RUNX1: variants seen among roughly 807,000 people sequenced by gnomAD.
RUNX1 encodes RUNX family transcription factor 1.
Under a neutral mutation model 42.8 loss-of-function variants are expected in RUNX1, and 19 were observed. The ratio of observed to expected loss-of-function variants is 0.44; its 90% CI spans 0.31 to 0.65. RUNX1 has a LOEUF of 0.65. Ranked by LOEUF, RUNX1 falls within the 30% of genes least tolerant of loss-of-function variation. The pLI is 0.07. For missense variants in RUNX1, 528 were observed against 672.0 expected (o/e 0.79, Z 2.37); for synonymous variants, 271 against 289.4 (o/e 0.94, Z 0.64).
intron 2 of RUNX1, among the ~76,000 whole-genome samples, chr21:34,894,906 CACACACACACACACACACACACAT>C (rs1363341519): frequency 1.2e-4 from 17 of 144,504 alleles, no homozygotes; most frequent in Admixed American, 2.7e-4. Context: ...CACACACACA[CACACACACACACACACACACACAT>C]ATTCATATCT....
intron 2 of RUNX1, among the ~76,000 whole-genome samples, chr21:34,948,946 G>C (rs1169773638): frequency 1.3e-5 from 2 of 152,078 alleles, no homozygotes; most frequent in African/African-American, 4.8e-5. Context: ...AGTAGAGACA[G>C]GGTTTCACCA....
intron 2 of RUNX1, among the ~76,000 whole-genome samples, chr21:34,986,705 G>A (rs556032179): frequency 6.6e-6 from 1 of 151,958 alleles, no homozygotes; most frequent in Admixed American, 6.6e-5. Context: ...GGATGTCAAG[G>A]GTTGCTGGGA....
intron 7 of RUNX1, among the ~76,000 whole-genome samples, chr21:34,802,280 A>C (rs1415264521): frequency 6.6e-6 from 1 of 152,212 alleles, no homozygotes; most frequent in Non-Finnish European, 1.5e-5. Context: ...AAGTCAATCC[A>C]TCTAAAAGAA....
chr21:34,845,596 T>A (rs959269968), intron 6 of RUNX1, among the ~76,000 whole-genome samples: 1 of 152,192 alleles, frequency 6.6e-6, no homozygotes, highest in Admixed American at 6.5e-5. Flanking sequence ...GTGTGAACAC[T>A]CTGGTGTGTG....
In RUNX1 at chr21:34,848,624, G is replaced by A. The variant is rs375671486; in HGVS notation, c.613+10850C>T. ...TAATTTTTGTATTTTTAGTAGAGAC[G>A]GGGTTTCACCATGTTGGCCAGGCTG... On this transcript the variant is annotated intron_variant, in intron 6 of 8. Transcript: ENST00000675419. Among the ~76,000 whole-genome samples, 19 of 152,176 alleles carry A rather than the reference G, an allele frequency of 1.2e-4. No homozygotes were observed. The East Asian group carries it at 1.7e-3, about 14-fold the overall frequency.
intron 2 of RUNX1, among the ~76,000 whole-genome samples, chr21:35,023,831 G>A (rs1448001170): frequency 1.3e-5 from 2 of 151,866 alleles, no homozygotes; most frequent in African/African-American, 4.8e-5. Context: ...AGCATCTGTG[G>A]GTACCAGTTT....
chr21:34,987,118 T>C (rs2058893532), intron 2 of RUNX1, among the ~76,000 whole-genome samples: 1 of 152,238 alleles, frequency 6.6e-6, no homozygotes, highest in South Asian at 2.1e-4. Context: ...TGAACTTCAA[T>C]CAATGGCTGA....
chr21:34,896,525 A>G (rs1420512539), intron 2 of RUNX1, among the ~76,000 whole-genome samples: 1 of 152,196 alleles, frequency 6.6e-6, no homozygotes, highest in Non-Finnish European at 1.5e-5. Context: ...TCTACTAAAA[A>G]TACAAAAATT....
intron 3 of RUNX1, chr21:34,889,741 C>A: frequency 8.5e-7 from 1 of 1,176,666 alleles, no homozygotes; most frequent in South Asian, 1.9e-5. Flanking sequence ...CGGGCATTTT[C>A]GCGGAGCTCG....
chr21:34,870,768 G>C (rs986293072), intron 5 of RUNX1, among the ~76,000 whole-genome samples: 2 of 152,062 alleles, frequency 1.3e-5, no homozygotes, highest in South Asian at 4.2e-4. Flanking sequence ...GACCATCCTG[G>C]CCAGCGTGAT....
At chr21:35,010,808 A>G (rs1378853195) in intron 2 of RUNX1, among the ~76,000 whole-genome samples, 2 of 152,194 alleles carry the variant, frequency 1.3e-5, no homozygotes, top group Non-Finnish European at 2.9e-5. Flanking sequence ...TAAAATCTAA[A>G]AACTGTTTTT....
At chr21:34,983,728 G>A (rs1488540200) in intron 2 of RUNX1, among the ~76,000 whole-genome samples, 2 of 152,144 alleles carry the variant, frequency 1.3e-5, no homozygotes, top group African/African-American at 4.8e-5. Context: ...GTTGTGGGGG[G>A]AAAATGGTTT....
At chr21:34,886,520 C>T (rs2057989974) in intron 4 of RUNX1, among the ~76,000 whole-genome samples, 2 of 152,258 alleles carry the variant, frequency 1.3e-5, no homozygotes, top group Admixed American at 1.3e-4. Context: ...CTCTGCCGGG[C>T]TGGGTTATAA....
intron 2 of RUNX1, among the ~76,000 whole-genome samples, chr21:35,043,378 C>T (rs934761446): frequency 2.1e-4 from 32 of 152,104 alleles, no homozygotes; most frequent in African/African-American, 7.5e-4. Flanking sequence ...GGGAAAAGTG[C>T]TTTGAACATT....
intron 5 of RUNX1, among the ~76,000 whole-genome samples, chr21:34,868,046 G>A (rs906924026): frequency 6.6e-6 from 1 of 152,200 alleles, no homozygotes; most frequent in Non-Finnish European, 1.5e-5. Context: ...CATTCTTCAG[G>A]GAAGGAAGGC....
intron 2 of RUNX1, among the ~76,000 whole-genome samples, chr21:35,010,623 ACG>A (rs201407332): frequency 6.8e-6 from 1 of 147,444 alleles, no homozygotes; most frequent in Non-Finnish European, 1.5e-5. Context: ...GTACACACAC[ACG>A]CACACACACA....
At chr21:34,848,383 A>G (rs1344722381) in intron 6 of RUNX1, among the ~76,000 whole-genome samples, 4 of 152,252 alleles carry the variant, frequency 2.6e-5, no homozygotes, top group Middle Eastern at 3.2e-3. Context: ...ACGCAGTTTT[A>G]GACTTGAAGC....
intron 2 of RUNX1, among the ~76,000 whole-genome samples, chr21:34,965,037 C>T (rs1460211285): frequency 6.6e-6 from 1 of 152,162 alleles, no homozygotes; most frequent in Non-Finnish European, 1.5e-5. Context: ...GATGTGAATA[C>T]ACACACATGC....
chr21:34,853,039 G>A (rs972174377), intron 6 of RUNX1, among the ~76,000 whole-genome samples: 2 of 152,164 alleles, frequency 1.3e-5, no homozygotes, highest in African/African-American at 4.8e-5. Context: ...TGTTAAAGGG[G>A]GACCCAGACT....
Sources: gnomAD v4.1 joint callset for allele counts (sites outside exome capture counted in the v4.1 genomes callset) on GRCh38, gnomAD v4.1.1 for gene constraint, MANE v1.5 for transcripts, NCBI Gene and HGNC (gene_info 2026-07-23, HGNC 2026-07-21) for gene names.